GAS7: variants seen among roughly 807,000 people sequenced by gnomAD.
GAS7 encodes the protein growth arrest-specific protein 7.
In GAS7, 28 loss-of-function variants were observed where a neutral mutation model predicts 71.1. The observed-to-expected ratio is 0.39, with a 90% CI of 0.29 to 0.54. The LOEUF (loss-of-function observed/expected upper bound fraction) is 0.54. Ranked by LOEUF, GAS7 falls within the 20% of genes least tolerant of loss-of-function variation. GAS7 has a pLI of 0.62. For synonymous variants in GAS7, 258 were observed against 245.8 expected (o/e 1.05, Z -0.46); for missense variants, 436 against 627.8 (o/e 0.69, Z 3.27).
At chr17:10,037,525 T>C (rs2072777730) in intron 1 of GAS7, among the ~76,000 whole-genome samples, 1 of 151,806 alleles carries the variant, frequency 6.6e-6, no homozygotes, top group Admixed American at 6.6e-5. Context: ...GATAAACTTA[T>C]TTATGAAGAG....
chr17:10,147,323 G>A (rs12602574), intron 1 of GAS7, among the ~76,000 whole-genome samples: 18 of 152,018 alleles, frequency 1.2e-4, no homozygotes, highest in African/African-American at 4.3e-4. Context: ...GTGGGGCTTG[G>A]GTGGGGGCAG....
chr17:10,083,495 G>T (rs1248281196), intron 1 of GAS7, among the ~76,000 whole-genome samples: 1 of 152,236 alleles, frequency 6.6e-6, no homozygotes, highest in South Asian at 2.1e-4. Flanking sequence ...CTTGCCCAGG[G>T]CATGCTATCT....
chr17:10,024,599 T>C (rs1002087371), intron 1 of GAS7, among the ~76,000 whole-genome samples: 12 of 152,174 alleles, frequency 7.9e-5, no homozygotes, highest in Admixed American at 2.0e-4. Context: ...TTTGTGGGAA[T>C]AATAAAACGC....
intron 2 of GAS7, among the ~76,000 whole-genome samples, chr17:10,005,163 G>A (rs917232512): frequency 4.0e-5 from 3 of 74,744 alleles, no homozygotes; most frequent in African/African-American, 5.7e-5. Flanking sequence ...GCATGTGTGT[G>A]CGCACGCATG....
chr17:10,193,278 A>AC (rs2074516338), intron 1 of GAS7, among the ~76,000 whole-genome samples: 1 of 147,142 alleles, frequency 6.8e-6, no homozygotes, highest in Non-Finnish European at 1.5e-5. Context: ...AAAAAAAAAA[A>AC]CCCTCCAAGG....
intron 1 of GAS7, among the ~76,000 whole-genome samples, chr17:10,067,250 ACTT>A (rs575911023): frequency 1.7e-3 from 256 of 151,804 alleles, no homozygotes; most frequent in African/African-American, 6.0e-3. Context: ...CAAGTGTCCC[ACTT>A]CTTTTTTTTG....
chr17:10,123,280 G>A (rs552770435), intron 1 of GAS7, among the ~76,000 whole-genome samples: 40 of 152,298 alleles, frequency 2.6e-4, no homozygotes, highest in Non-Finnish European at 1.5e-4. Flanking sequence ...CTCCACTGCC[G>A]GGTTCTGAGC....
intron 1 of GAS7, among the ~76,000 whole-genome samples, chr17:10,195,377 A>C (rs896622971): frequency 1.3e-5 from 2 of 152,122 alleles, no homozygotes; most frequent in African/African-American, 2.4e-5. Context: ...CTCCTTGGGA[A>C]GTATCCAGTG....
chr17:9,970,554 C>A (rs760760526), intron 3 of GAS7, among the ~76,000 whole-genome samples: 74 of 152,080 alleles, frequency 4.9e-4, no homozygotes, highest in Non-Finnish European at 9.7e-4. Flanking sequence ...ATCGCTTGAA[C>A]CCAGGAGGCA....
intron 2 of GAS7, among the ~76,000 whole-genome samples, chr17:9,988,336 C>T (rs1212593114): frequency 6.6e-6 from 1 of 152,198 alleles, no homozygotes; most frequent in Non-Finnish European, 1.5e-5. Flanking sequence ...AGCTGGCTTG[C>T]CCCCAGGCTA....
intron 2 of GAS7, among the ~76,000 whole-genome samples, chr17:9,998,199 G>A (rs1191617137): frequency 1.3e-5 from 2 of 152,212 alleles, no homozygotes; most frequent in African/African-American, 4.8e-5. Flanking sequence ...GCAAACAAGA[G>A]ACTAACATTC....
intron 1 of GAS7, among the ~76,000 whole-genome samples, chr17:10,197,831 CA>C (rs2074551665): frequency 6.6e-6 from 1 of 152,232 alleles, no homozygotes; most frequent in Non-Finnish European, 1.5e-5. Context: ...CACTTTCTCG[CA>C]CCCCTGATCC....
chr17:10,181,600 G>A (rs1211046406), intron 1 of GAS7, among the ~76,000 whole-genome samples: 3 of 152,136 alleles, frequency 2.0e-5, no homozygotes, highest in Admixed American at 6.5e-5. Context: ...TCAGGAGATA[G>A]ACAGGGGTTG....
chr17:9,969,722 T>C lies in GAS7; in HGVS notation c.426A>G (p.Pro142=), dbSNP rs762863026. Residue 142 remains proline (P), a synonymous_variant, in exon 4 of 14, where the codon CCA becomes CCG. Transcript: ENST00000432992. This position sits in a 1 kb window ranked among gnomAD's most constrained non-coding sequence, Gnocchi z 5.5. ...YHASGTPAHP[P]ETAHMSVRKS... ...TTCGGACACTCATGTGGGCAGTCTC[T>C]GGAGGGTGCGCTGGGGTCCCTGATG... 3.3e-5 allele frequency: 53 copies of C among 1,613,104 alleles called. No homozygotes were observed. In the East Asian group the frequency reaches 1.2e-3, roughly 36 times the overall value.
At chr17:10,117,519 C>T (rs1478959417) in intron 1 of GAS7, among the ~76,000 whole-genome samples, 6 of 152,184 alleles carry the variant, frequency 3.9e-5, no homozygotes, top group African/African-American at 7.2e-5. Flanking sequence ...CCACGGAAGG[C>T]GGAGGACAGA....
intron 1 of GAS7, among the ~76,000 whole-genome samples, chr17:10,130,176 A>T (rs1223760421): frequency 6.7e-6 from 1 of 149,712 alleles, no homozygotes; most frequent in Admixed American, 6.6e-5. Flanking sequence ...CTCAAAAAAA[A>T]AAACAAAAAA....
At chr17:9,977,729 CT>C (rs1191171779) in intron 3 of GAS7, among the ~76,000 whole-genome samples, 1 of 109,594 alleles carries the variant, frequency 9.1e-6, no homozygotes, top group East Asian at 3.2e-4. Context: ...AGACTGGAGT[CT>C]AGTTTGTGCG....
At chr17:9,922,648 T>C (rs990728553) in intron 11 of GAS7, among the ~76,000 whole-genome samples, 3 of 152,152 alleles carry the variant, frequency 2.0e-5, no homozygotes, top group African/African-American at 7.2e-5. Context: ...TATTATCTGA[T>C]GACAATGCAA....
In GAS7 at chr17:10,076,594, A is replaced by G. The variant is rs58691866; in HGVS notation, c.184-56697T>C. Among the ~76,000 whole-genome samples the G allele has an allele frequency of 8.1e-4, 124 of 152,308 alleles. 1 individual carries two copies. Among genetic ancestry groups the G allele is most frequent in the African/African-American group, 2.5e-3 (105 of 41,576 alleles). Reference sequence around the variant, plus strand: ...GAAACTCTACAAACTATCAGAACTAATAAGACAGTTCAAGATCTAGTGATA... The same window carrying G: ...GAAACTCTACAAACTATCAGAACTAGTAAGACAGTTCAAGATCTAGTGATA... On this transcript the variant is annotated intron_variant, in intron 1 of 13. Transcript: ENST00000432992.
Sources: allele counts gnomAD v4.1 joint callset (sites outside exome capture counted in the v4.1 genomes callset), GRCh38; gene constraint gnomAD v4.1.1; non-coding constraint Gnocchi (gnomAD v3.1); transcripts MANE v1.5; gene names NCBI Gene and HGNC (gene_info 2026-07-23, HGNC 2026-07-21).